Variants in PRKG1 observed in about 807,000 individuals in gnomAD.
The protein encoded by PRKG1 is cGMP-dependent protein kinase 1.
Under a neutral mutation model 88.1 loss-of-function variants are expected in PRKG1, and 35 were observed. The observed-to-expected ratio is 0.40, with a 90% CI of 0.30 to 0.53. PRKG1 has a LOEUF of 0.53. Ranked by LOEUF, PRKG1 falls within the 20% of genes least tolerant of loss-of-function variation. PRKG1 has a pLI of 0.59. For missense variants in PRKG1, 540 were observed against 839.8 expected (o/e 0.64, Z 4.41); for synonymous variants, 303 against 292.5 (o/e 1.04, Z -0.37).
chr10:51,841,799 C>T (rs894216261), intron 4 of PRKG1, among the ~76,000 whole-genome samples: 13 of 152,102 alleles, frequency 8.5e-5, no homozygotes, highest in Admixed American at 2.6e-4. Context: ...TCTCCTGCCT[C>T]GGCCTCCTGA....
chr10:51,883,167 G>A (rs1841479385), intron 4 of PRKG1, among the ~76,000 whole-genome samples: 1 of 152,202 alleles, frequency 6.6e-6, no homozygotes. Flanking sequence ...AGCACTCCTG[G>A]TTCTCTTGCT....
chr10:51,628,085 T>TTTCC (rs377500483), intron 3 of PRKG1, among the ~76,000 whole-genome samples: 197 of 145,886 alleles, frequency 1.4e-3, no homozygotes, highest in Non-Finnish European at 2.3e-3. Context: ...TCTTTCTTTC[T>TTTCC]TTCCTTCCTT....
At chr10:52,079,778 AC>A (rs1846722709) in intron 7 of PRKG1, among the ~76,000 whole-genome samples, 1 of 152,198 alleles carries the variant, frequency 6.6e-6, no homozygotes, top group African/African-American at 2.4e-5. Context: ...ATTCTGAAGA[AC>A]AAAAAAATTC....
chr10:51,402,749 A>G (rs1472511198), intron 2 of PRKG1, among the ~76,000 whole-genome samples: 1 of 152,188 alleles, frequency 6.6e-6, no homozygotes, highest in African/African-American at 2.4e-5. Flanking sequence ...AAGAAAAACT[A>G]AAGTAAATGC....
At chr10:51,697,867 A>G in intron 3 of PRKG1, 3 of 1,613,780 alleles carry the variant, frequency 1.9e-6, no homozygotes, top group Non-Finnish European at 2.5e-6. Context: ...CAGGACTAAA[A>G]CTGCTAGGCT....
chr10:51,143,213 A>G (rs1030669454), intron 1 of PRKG1, among the ~76,000 whole-genome samples: 1 of 152,094 alleles, frequency 6.6e-6, no homozygotes, highest in African/African-American at 2.4e-5. Flanking sequence ...GATTCCACAT[A>G]TGAGTGAGAT....
chr10:51,265,563 C>T (rs1210818002), intron 2 of PRKG1, among the ~76,000 whole-genome samples: 1 of 151,918 alleles, frequency 6.6e-6, no homozygotes, highest in Non-Finnish European at 1.5e-5. Context: ...GGAGAAACAC[C>T]TGTAGAATAT....
At chr10:51,867,362 A>T (rs1356601866) in intron 4 of PRKG1, among the ~76,000 whole-genome samples, 1 of 152,170 alleles carries the variant, frequency 6.6e-6, no homozygotes, top group Non-Finnish European at 1.5e-5. Flanking sequence ...AAGCAGGCAA[A>T]GGATGTGGTT....
intron 7 of PRKG1, among the ~76,000 whole-genome samples, chr10:52,117,807 T>G (rs554158503): frequency 6.6e-6 from 1 of 152,114 alleles, no homozygotes; most frequent in Non-Finnish European, 1.5e-5. Flanking sequence ...TTTGTGTGTG[T>G]GTGCATATGT....
At chr10:52,225,860 G>T (rs1343197800) in intron 9 of PRKG1, among the ~76,000 whole-genome samples, 1 of 151,878 alleles carries the variant, frequency 6.6e-6, no homozygotes, top group Non-Finnish European at 1.5e-5. Context: ...CTTTTTTTGT[G>T]CCAGTACCAC....
chr10:52,103,539 C>A (rs1182792466), intron 7 of PRKG1, among the ~76,000 whole-genome samples: 1 of 152,130 alleles, frequency 6.6e-6, no homozygotes, highest in Non-Finnish European at 1.5e-5. Flanking sequence ...CTCTAGCTTA[C>A]TTTCTTGTAA....
rs532413365 is a variant in PRKG1 at position 51,942,813 on chromosome 10, T to G, written c.762+35243T>G. ...CTCTGTTCTGTTCCATTGATCTATA[T>G]CTCTGTTTTGGTACCAGTACCATGC... On this transcript the variant is annotated intron_variant, in intron 5 of 17. Transcript: ENST00000373980. 2.6e-5 allele frequency among the ~76,000 whole-genome samples: 4 copies of G among 151,248 alleles called. No individual in the cohort carries two copies. The South Asian group carries it at 8.3e-4, about 31-fold the overall frequency.
At chr10:51,049,873 A>G (rs1480899707) in intron 1 of PRKG1, among the ~76,000 whole-genome samples, 1 of 152,170 alleles carries the variant, frequency 6.6e-6, no homozygotes, top group Non-Finnish European at 1.5e-5. Flanking sequence ...GAAAGTACCC[A>G]TATGCATGGC....
chr10:52,177,437 C>G (rs1589676016), intron 9 of PRKG1, among the ~76,000 whole-genome samples: 1 of 152,086 alleles, frequency 6.6e-6, no homozygotes, highest in African/African-American at 2.4e-5. Flanking sequence ...TGTCTATGTT[C>G]ATCAGGGATA....
At position 51,850,450 on chromosome 10, in the gene PRKG1, T is replaced by TA. The variant is rs1378801796; in HGVS notation, c.698+45761dup. On this transcript the variant is annotated intron_variant, in intron 4 of 17. Coordinates refer to ENST00000373980, the MANE Select transcript of PRKG1 (RefSeq NM_006258.4). ...CCTTGGCCTCCCAAAATGCTGGTAT[T>TA]ACAGGCATAAGCCACAGTGTCCAGC... Among the ~76,000 whole-genome samples the TA allele has an allele frequency of 2.0e-5, 3 of 152,188 alleles. No homozygotes were observed. In the East Asian group the frequency reaches 5.8e-4, roughly 29 times the overall value.
At chr10:51,524,895 C>T (rs7911277) in intron 3 of PRKG1, among the ~76,000 whole-genome samples, 143,889 of 152,322 alleles carry the variant, frequency 0.94, 67,976 homozygotes, top group East Asian at 1. Context: ...TTTTGTTTTC[C>T]AATTACATTT....
chr10:51,652,826 T>C lies in PRKG1; in HGVS notation c.593-151759T>C, dbSNP rs112245123. On this transcript the variant is annotated intron_variant, in intron 3 of 17. Coordinates refer to ENST00000373980, the MANE Select transcript of PRKG1 (RefSeq NM_006258.4). ...CCGTGCAACAGATCACTACAACCTA[T>C]TCCTCCTGTCTAATTGAAACTTTGA... is the stretch of plus-strand genomic sequence containing the variant. 2.3e-3 allele frequency among the ~76,000 whole-genome samples: 351 copies of C among 152,266 alleles called. 2 individuals carry two copies. Among genetic ancestry groups the C allele is most frequent in the African/African-American group, 7.6e-3 (315 of 41,554 alleles).
intron 2 of PRKG1, among the ~76,000 whole-genome samples, chr10:51,254,113 T>G (rs1839494145): frequency 6.6e-6 from 1 of 151,926 alleles, no homozygotes; most frequent in Admixed American, 6.6e-5. Context: ...ACACACTATA[T>G]TCAAGATTTT....
chr10:52,067,519 A>C (rs1398698179), intron 7 of PRKG1, among the ~76,000 whole-genome samples: 12 of 152,188 alleles, frequency 7.9e-5, no homozygotes, highest in Admixed American at 7.9e-4. Context: ...CCTCATGACT[A>C]CTATCTAGTT....
Sources: gnomAD v4.1 joint callset for allele counts (sites outside exome capture counted in the v4.1 genomes callset) on GRCh38, gnomAD v4.1.1 for gene constraint, MANE v1.5 for transcripts, NCBI Gene and HGNC (gene_info 2026-07-23, HGNC 2026-07-21) for gene names.